FCHSD2: variants seen among roughly 807,000 people sequenced by gnomAD.
FCHSD2 encodes the protein F-BAR and double SH3 domains protein 2.
FCHSD2 carries 38 observed loss-of-function variants against 108.1 expected under a neutral mutation model. The observed-to-expected ratio is 0.35, with a 90% CI of 0.27 to 0.46. The LOEUF (loss-of-function observed/expected upper bound fraction) is 0.46. Among genes scored for constraint, FCHSD2 ranks in the 20% least tolerant of loss-of-function variants. FCHSD2 has a pLI of 1.00. For synonymous variants in FCHSD2, 279 were observed against 314.7 expected (o/e 0.89, Z 1.20); for missense variants, 751 against 897.8 (o/e 0.84, Z 2.09).
At chr11:73,092,154 G>T (rs954802857) in intron 2 of FCHSD2, among the ~76,000 whole-genome samples, 2 of 152,124 alleles carry the variant, frequency 1.3e-5, no homozygotes, top group Non-Finnish European at 1.5e-5. Context: ...TAGAGGTAGG[G>T]TCTTGCTCCA....
intron 3 of FCHSD2, among the ~76,000 whole-genome samples, chr11:73,023,906 A>G (rs1379085488): frequency 6.6e-6 from 1 of 152,222 alleles, no homozygotes; most frequent in African/African-American, 2.4e-5. Context: ...CAAATTAAAA[A>G]GGTTACACAC....
intron 13 of FCHSD2, among the ~76,000 whole-genome samples, chr11:72,850,394 T>C (rs7941209): frequency 1 from 151,353 of 151,880 alleles, 75,414 homozygotes; most frequent in Middle Eastern, 1. Flanking sequence ...TATTTTATTT[T>C]TGAGACGGAG....
At chr11:72,846,672 G>A (rs1369315210) in intron 14 of FCHSD2, among the ~76,000 whole-genome samples, 1 of 152,112 alleles carries the variant, frequency 6.6e-6, no homozygotes, top group Non-Finnish European at 1.5e-5. Context: ...GTCTCCTTAA[G>A]TCCTAGTATC....
chr11:73,131,536 A>G (rs920547708), intron 2 of FCHSD2, among the ~76,000 whole-genome samples: 3 of 151,616 alleles, frequency 2.0e-5, no homozygotes, highest in Non-Finnish European at 2.9e-5. Context: ...CTCAAAAAAA[A>G]TAAAAATTAC....
chr11:73,076,053 C>T (rs886722340), intron 3 of FCHSD2, among the ~76,000 whole-genome samples: 8 of 151,288 alleles, frequency 5.3e-5, no homozygotes, highest in Admixed American at 2.6e-4. Context: ...CCCGGGAGGT[C>T]GAGGCTGCAG....
chr11:72,886,644 A>G (rs887452971), intron 12 of FCHSD2, among the ~76,000 whole-genome samples: 3 of 152,190 alleles, frequency 2.0e-5, no homozygotes, highest in African/African-American at 7.2e-5. Context: ...TGAGTAGATA[A>G]AAGTGTGTGC....
intron 8 of FCHSD2, among the ~76,000 whole-genome samples, chr11:72,980,760 G>A (rs1035042959): frequency 6.6e-6 from 1 of 150,564 alleles, no homozygotes; most frequent in African/African-American, 2.4e-5. Flanking sequence ...ATATATATGT[G>A]TATGTATATA....
chr11:72,972,552 A>G (rs1250645513), intron 8 of FCHSD2, among the ~76,000 whole-genome samples: 1 of 152,224 alleles, frequency 6.6e-6, no homozygotes, highest in Non-Finnish European at 1.5e-5. Context: ...TGCTTTATAT[A>G]TAAAGATTCC....
intron 13 of FCHSD2, 101 bp downstream of exon 13, chr11:72,867,764 T>C (rs1321255822): frequency 1.5e-5 from 14 of 965,140 alleles, no homozygotes; most frequent in African/African-American, 3.3e-5. Context: ...TAGCAAACTA[T>C]TATCTTTTTA....
chr11:72,914,008 G>GATAT (rs1322743507), intron 9 of FCHSD2, among the ~76,000 whole-genome samples: 24 of 150,786 alleles, frequency 1.6e-4, no homozygotes, highest in African/African-American at 5.9e-4. Context: ...ACTGCCTTAA[G>GATAT]CTATTTATTT....
intron 8 of FCHSD2, among the ~76,000 whole-genome samples, chr11:72,939,521 T>C (rs961218251): frequency 6.6e-6 from 1 of 152,016 alleles, no homozygotes; most frequent in Non-Finnish European, 1.5e-5. Context: ...GATGAATACA[T>C]TTCAGTTTCT....
intron 2 of FCHSD2, among the ~76,000 whole-genome samples, chr11:73,110,111 C>T (rs181214814): frequency 6.6e-6 from 1 of 151,268 alleles, no homozygotes; most frequent in Non-Finnish European, 1.5e-5. Context: ...AGGATTTTTG[C>T]ATCAGTATTC....
chr11:73,140,270 T>A (rs1025066370), intron 1 of FCHSD2, 142 bp from the exon 2 acceptor site: 11 of 530,196 alleles, frequency 2.1e-5, no homozygotes, highest in Non-Finnish European at 3.7e-5. Context: ...CATCTAGTTT[T>A]ATTTATTGAA....
At chr11:72,973,872 G>A (rs939599971) in intron 8 of FCHSD2, among the ~76,000 whole-genome samples, 1 of 152,164 alleles carries the variant, frequency 6.6e-6, no homozygotes, top group East Asian at 1.9e-4. Flanking sequence ...TGCAACAGCT[G>A]AACTGAGTAA....
At chr11:72,867,802 C>T in intron 13 of FCHSD2, 63 bp downstream of exon 13, 1 of 1,461,116 alleles carries the variant, frequency 6.8e-7, no homozygotes, top group Non-Finnish European at 9.3e-7. Flanking sequence ...TTAAGTTTGA[C>T]TACAGAGTCA....
At chr11:73,096,279 G>A (rs1206626281) in intron 2 of FCHSD2, among the ~76,000 whole-genome samples, 3 of 150,008 alleles carry the variant, frequency 2.0e-5, no homozygotes, top group African/African-American at 4.9e-5. Context: ...AGTGGCTCAC[G>A]TCTGTAATCC....
At chr11:73,091,965 A>G (rs2135523297) in intron 2 of FCHSD2, among the ~76,000 whole-genome samples, 1 of 151,348 alleles carries the variant, frequency 6.6e-6, no homozygotes, top group African/African-American at 2.4e-5. Context: ...TACCGGGGAG[A>G]CAGAGGTTGC....
intron 8 of FCHSD2, among the ~76,000 whole-genome samples, chr11:72,959,535 CCA>C (rs1341127289): frequency 6.6e-6 from 1 of 152,008 alleles, no homozygotes; most frequent in Non-Finnish European, 1.5e-5. Context: ...ACGCCTGGCC[CCA>C]CAGTCTTTTT....
chr11:72,889,919 C>A lies in FCHSD2; in HGVS notation c.951G>T (p.Gly317=). Residue 317 remains glycine (G), a synonymous_variant, in exon 11 of 20, where the codon GGG becomes GGT. Transcript: ENST00000409418. ...TATTTAGACTGTGCTCCTCTGTGGT[C>A]CCAGTTTCTGATTCTAACTGTCGGC... ...DTSRQLESET[G]TTEEHSLNKE... 1 of 1,612,462 alleles carries A rather than the reference C, an allele frequency of 6.2e-7. No individual in the cohort carries two copies. The highest frequency in any genetic ancestry group is 8.5e-7 in the Non-Finnish European group (1 of 1,178,584).
Sources: allele counts gnomAD v4.1 joint callset (sites outside exome capture counted in the v4.1 genomes callset), GRCh38; gene constraint gnomAD v4.1.1; transcripts MANE v1.5; gene names NCBI Gene and HGNC (gene_info 2026-07-23, HGNC 2026-07-21).